The following URB2 variants were observed in gnomAD, a reference collection of about 807,000 sequenced individuals.
URB2 encodes the protein unhealthy ribosome biogenesis protein 2 homolog.
Under a neutral mutation model 120.9 loss-of-function variants are expected in URB2, and 86 were observed. The observed-to-expected ratio is 0.71, with a 90% CI of 0.60 to 0.85. The LOEUF (loss-of-function observed/expected upper bound fraction) is 0.85, where lower values mean the gene tolerates loss of function less well. URB2 is among the 40% of genes least tolerant of loss of function. The probability of loss-of-function intolerance (pLI) is 0.00; values close to 1 mark genes in which losing one functional copy is unlikely to be tolerated. For missense variants in URB2, 1,765 were observed against 1,836.5 expected (o/e 0.96, Z 0.71); for synonymous variants, 755 against 758.4 (o/e 1.00, Z 0.07).
intron 9 of URB2, among the ~76,000 whole-genome samples, chr1:229,655,922 A>G (rs1666396944): frequency 6.6e-6 from 1 of 152,218 alleles, no homozygotes; most frequent in Non-Finnish European, 1.5e-5. Context: ...TGTTTTAGAT[A>G]CATCTAGAAC....
intron 7 of URB2, chr1:229,650,974 C>T (rs1650854676): frequency 4.4e-6 from 1 of 228,692 alleles, no homozygotes; most frequent in Admixed American, 5.2e-5. Context: ...CCAGGATTGC[C>T]CCATAGACCT....
intron 4 of URB2, among the ~76,000 whole-genome samples, chr1:229,641,272 G>A (rs1021856467): frequency 2.0e-5 from 3 of 152,008 alleles, no homozygotes; most frequent in African/African-American, 4.8e-5. Flanking sequence ...CTCAGCCTCC[G>A]AAAGTGCTGG....
intron 8 of URB2, among the ~76,000 whole-genome samples, chr1:229,654,026 G>A (rs1247258538): frequency 3.6e-5 from 5 of 140,802 alleles, no homozygotes; most frequent in South Asian, 4.7e-4. Flanking sequence ...AAAAACACCC[G>A]AGCACTCTTG....
chr1:229,639,387 T>G (rs1212038233), intron 4 of URB2, among the ~76,000 whole-genome samples: 3 of 149,368 alleles, frequency 2.0e-5, no homozygotes, highest in Non-Finnish European at 4.4e-5. Flanking sequence ...CAGGATGGAG[T>G]GCAGTGGTGC....
In URB2 at chr1:229,635,268, C is replaced by T; in HGVS notation, c.655C>T (p.Gln219Ter). 6.2e-7 allele frequency: 1 copy of T among 1,614,192 alleles called. No individual in the cohort carries two copies. Among genetic ancestry groups the T allele is most frequent in the South Asian group, 1.1e-5 (1 of 91,090 alleles). The change falls in exon 4 of 10, where the codon CAG becomes TAG. Residue 219 changes from glutamine to a stop codon, truncating the protein, a stop_gained. Coordinates refer to ENST00000258243, the MANE Select transcript of URB2 (RefSeq NM_014777.4). LOFTEE classifies it high-confidence loss of function. Reference protein sequence around the residue: ...RHLLSGGTWTQAGQGQLRQVL... With the variant: ...RHLLSGGTWT ...CTTACTCTCTGGGGGCACATGGACG[C>T]AGGCTGGCCAGGGCCAGCTGAGGCA...
chr1:229,652,652 GCCT>G (rs1666308990), intron 8 of URB2, among the ~76,000 whole-genome samples: 1 of 152,232 alleles, frequency 6.6e-6, no homozygotes. Context: ...TCCCATGCCA[GCCT>G]CAGCAAGTTG....
chr1:229,657,156 T>C (rs1006808136), intron 9 of URB2, among the ~76,000 whole-genome samples: 16 of 152,254 alleles, frequency 1.1e-4, no homozygotes, highest in African/African-American at 3.9e-4. Context: ...TAGTTTGTGC[T>C]GCTCATCTTA....
intron 5 of URB2, 72 bp downstream of exon 5, chr1:229,643,765 G>T: frequency 6.4e-7 from 1 of 1,557,152 alleles, no homozygotes; most frequent in South Asian, 1.2e-5. Flanking sequence ...ACTGATTTGA[G>T]ATGTGGTGTC....
chr1:229,645,000 T>C (rs1666105173), intron 5 of URB2, among the ~76,000 whole-genome samples: 1 of 152,172 alleles, frequency 6.6e-6, no homozygotes, highest in South Asian at 2.1e-4. Flanking sequence ...AAAAGTTAAA[T>C]TCTGGCCGGG....
chr1:229,651,440 A>G (rs1294568946), intron 8 of URB2, 118 bp downstream of exon 8: 2 of 728,198 alleles, frequency 2.7e-6, no homozygotes, highest in East Asian at 6.3e-5. Context: ...GAGAAATGAT[A>G]TCAAATGAAT....
At chr1:229,639,984 T>G (rs1377774637) in intron 4 of URB2, among the ~76,000 whole-genome samples, 1 of 152,120 alleles carries the variant, frequency 6.6e-6, no homozygotes, top group Non-Finnish European at 1.5e-5. Flanking sequence ...TAGAAAATAT[T>G]AAGCAAAAAA....
At chr1:229,627,832 C>G in intron 2 of URB2, 73 bp downstream of exon 2, 1 of 1,465,886 alleles carries the variant, frequency 6.8e-7, no homozygotes, top group Non-Finnish European at 9.1e-7. Context: ...TGGATATTGA[C>G]AATTGGTTAA....
intron 4 of URB2, among the ~76,000 whole-genome samples, chr1:229,638,910 G>T (rs2102788470): frequency 6.6e-6 from 1 of 152,226 alleles, no homozygotes; most frequent in African/African-American, 2.4e-5. Flanking sequence ...AACTTGTCCT[G>T]GCTGCAATGA....
intron 3 of URB2, among the ~76,000 whole-genome samples, chr1:229,634,285 A>C (rs1225376073): frequency 6.6e-6 from 1 of 151,592 alleles, no homozygotes; most frequent in Non-Finnish European, 1.5e-5. Context: ...AGCTCACTGC[A>C]ACCTCTGCCT....
At position 229,635,814 on chromosome 1, in the gene URB2, G is replaced by A; in HGVS notation, c.1201G>A (p.Ala401Thr). Reference sequence around the variant, plus strand: ...CGTGGCTGAGCTGCTGATAAACCATGCACAAGCACCCATACCGGCCTGGTT... The same window carrying A: ...CGTGGCTGAGCTGCTGATAAACCATACACAAGCACCCATACCGGCCTGGTT... ...RHVAELLINH[A>T]QAPIPAWFRC... is the part of the protein sequence containing the mutation. The change falls in exon 4 of 10, where the codon GCA becomes ACA. Residue 401 changes from alanine (A) to threonine (T), a missense_variant. Ala to Thr is a moderately conservative substitution (Grantham distance 58). Transcript: ENST00000258243. The A allele has an allele frequency of 6.2e-7, 1 of 1,614,152 alleles. No homozygotes were observed. Among genetic ancestry groups the A allele is most frequent in the South Asian group, 1.1e-5 (1 of 91,092 alleles).
In URB2 at chr1:229,659,082, G is replaced by GT. The variant is rs777923997; in HGVS notation, c.4378-15dup. ...TCTGCCCCCAATTGTTCTCACAGAG[G>GT]TTTGCCTTTTTCCTCAGGTGACCTT... On this transcript the variant is annotated splice_polypyrimidine_tract_variant and intron_variant, in intron 9 of 9. Transcript: ENST00000258243. 8 of 1,606,780 alleles carry GT rather than the reference G, an allele frequency of 5.0e-6. No homozygotes were observed. The highest frequency in any genetic ancestry group is 6.8e-6 in the Non-Finnish European group (8 of 1,175,636).
At chr1:229,632,923 C>T (rs1665708812) in intron 3 of URB2, among the ~76,000 whole-genome samples, 1 of 151,154 alleles carries the variant, frequency 6.6e-6, no homozygotes, top group Admixed American at 6.6e-5. Flanking sequence ...ATTTTGAAGT[C>T]TCAGATCAGA....
At chr1:229,654,422 T>A (rs1368258566) in intron 9 of URB2, 34 bp downstream of exon 9, 2 of 1,613,820 alleles carry the variant, frequency 1.2e-6, no homozygotes, top group Admixed American at 1.7e-5. Flanking sequence ...CACCAAGTAC[T>A]GTGTTTATGG....
intron 2 of URB2, among the ~76,000 whole-genome samples, chr1:229,630,834 T>C (rs1665642345): frequency 6.6e-6 from 1 of 151,706 alleles, no homozygotes; most frequent in Non-Finnish European, 1.5e-5. Flanking sequence ...AAAAAAAAAT[T>C]AGCCAGGCAT....
Sources: allele counts gnomAD v4.1 joint callset (sites outside exome capture counted in the v4.1 genomes callset), GRCh38; gene constraint gnomAD v4.1.1; transcripts MANE v1.5; gene names NCBI Gene and HGNC (gene_info 2026-07-23, HGNC 2026-07-21).